Variants in FRMD6 observed in about 807,000 individuals in gnomAD.
FRMD6 encodes FERM domain containing 6.
FRMD6 carries 37 observed loss-of-function variants against 73.2 expected under a neutral mutation model. The observed-to-expected ratio is 0.51, with a 90% CI of 0.39 to 0.66. The LOEUF (loss-of-function observed/expected upper bound fraction) is 0.66. Among genes scored for constraint, FRMD6 ranks in the 30% least tolerant of loss-of-function variants. The pLI, the probability that FRMD6 is intolerant of heterozygous loss-of-function variation, is 0.00. For synonymous variants in FRMD6, 273 were observed against 282.2 expected (o/e 0.97, Z 0.33); for missense variants, 714 against 780.5 (o/e 0.91, Z 1.02).
intron 2 of FRMD6, chr14:51,575,950 AG>A: frequency 6.6e-6 from 1 of 152,440 alleles, no homozygotes; most frequent in Non-Finnish European, 1.5e-5. Flanking sequence ...CATCAGCACC[AG>A]GCCACTGGCA....
chr14:51,721,016 C>T (rs571098947), intron 11 of FRMD6, among the ~76,000 whole-genome samples: 3 of 152,270 alleles, frequency 2.0e-5, no homozygotes, highest in South Asian at 2.1e-4. Flanking sequence ...TCAGGCTTGA[C>T]GGAAAAGATA....
chr14:51,529,879 A>C (rs1885484688), intron 1 of FRMD6, among the ~76,000 whole-genome samples: 1 of 152,222 alleles, frequency 6.6e-6, no homozygotes, highest in African/African-American at 2.4e-5. Context: ...TCTGAGTATC[A>C]GTTAGTTTGT....
At chr14:51,491,266 T>C (rs1205207900) in intron 1 of FRMD6, 1 of 152,220 alleles carries the variant, frequency 6.6e-6, no homozygotes, top group African/African-American at 2.4e-5. Context: ...ACAGGCAAGG[T>C]TGATAGATGT....
intron 2 of FRMD6, among the ~76,000 whole-genome samples, chr14:51,612,864 GAT>G (rs1282506759): frequency 6.6e-6 from 1 of 152,186 alleles, no homozygotes; most frequent in Non-Finnish European, 1.5e-5. Context: ...AATATAACAT[GAT>G]AGATATGTGC....
At chr14:51,562,999 G>A (rs1305310230) in intron 1 of FRMD6, among the ~76,000 whole-genome samples, 1 of 152,230 alleles carries the variant, frequency 6.6e-6, no homozygotes, top group Admixed American at 6.5e-5. Flanking sequence ...GGGCTGAAGT[G>A]ATTTTGAGGT....
the FRMD6 span, among the ~76,000 whole-genome samples, chr14:51,450,667 T>G: frequency 6.6e-6 from 1 of 152,186 alleles, no homozygotes; most frequent in Non-Finnish European, 1.5e-5. Flanking sequence ...TTGGGATTTT[T>G]GTATGAGATC....
chr14:51,656,247 C>T (rs1046404542), intron 1 of FRMD6, among the ~76,000 whole-genome samples: 5 of 152,076 alleles, frequency 3.3e-5, no homozygotes, highest in African/African-American at 9.7e-5. Flanking sequence ...TTACAGAACA[C>T]TGAGAAGGGG....
At chr14:51,522,926 G>A (rs1281529756) in intron 1 of FRMD6, 2 of 152,184 alleles carry the variant, frequency 1.3e-5, no homozygotes, top group South Asian at 2.1e-4. Flanking sequence ...CATGGCACCT[G>A]TGTAAAGATG....
In FRMD6 at chr14:51,689,996, A is replaced by G. The variant is rs190716104; in HGVS notation, c.99+61A>G. 3 of 1,045,080 alleles carry G rather than the reference A, an allele frequency of 2.9e-6. No homozygotes were observed. The Admixed American group carries it at 5.3e-5, about 19-fold the overall frequency. The allele number at this position is 1,045,080 out of a possible 1,614,324, so 64.7% of individuals were successfully genotyped here. A position where few individuals can be genotyped will look rare whatever the true frequency, so the allele number is the denominator to read the frequency against. On this transcript the variant is annotated intron_variant, in intron 2 of 13. Coordinates refer to ENST00000344768, the MANE Select transcript of FRMD6 (RefSeq NM_001267046.2). ...GTGTTTTCACCAGTGGCCACATTCA[A>G]CTTATGACTTGATTAAGGGTGAAAT...
chr14:51,659,961 A>C (rs910232716), intron 1 of FRMD6, among the ~76,000 whole-genome samples: 3 of 152,168 alleles, frequency 2.0e-5, no homozygotes, highest in Non-Finnish European at 2.9e-5. Context: ...AGAAAGATAC[A>C]TTTTCATCTA....
the FRMD6 span, among the ~76,000 whole-genome samples, chr14:51,439,495 T>C: frequency 2.5e-3 from 381 of 152,346 alleles, 1 homozygote; most frequent in African/African-American, 8.4e-3. Context: ...TCTTTCTTAA[T>C]TCATGTAAAA....
intron 1 of FRMD6, among the ~76,000 whole-genome samples, chr14:51,521,506 AT>A (rs1884952665): frequency 6.6e-6 from 1 of 152,010 alleles, no homozygotes; most frequent in Non-Finnish European, 1.5e-5. Context: ...TCTAGAAAAC[AT>A]TTACACATTT....
At chr14:51,601,577 T>C (rs1890039878) in intron 2 of FRMD6, among the ~76,000 whole-genome samples, 1 of 152,180 alleles carries the variant, frequency 6.6e-6, no homozygotes, top group Non-Finnish European at 1.5e-5. Context: ...CTCTAGAAAT[T>C]TAGTAAATGG....
At chr14:51,576,802 C>T (rs780348968) in intron 2 of FRMD6, among the ~76,000 whole-genome samples, 45 of 152,290 alleles carry the variant, frequency 3.0e-4, no homozygotes, top group Admixed American at 5.9e-4. Flanking sequence ...TTGTCTGGCA[C>T]GTTGCATAAA....
chr14:51,558,223 C>T (rs1051779597), intron 1 of FRMD6, among the ~76,000 whole-genome samples: 4 of 152,044 alleles, frequency 2.6e-5, no homozygotes, highest in African/African-American at 9.7e-5. Flanking sequence ...AATCCTAGCA[C>T]TTTGGAAGGC....
chr14:51,703,799 T>C (rs756362619), intron 5 of FRMD6, among the ~76,000 whole-genome samples: 3 of 152,064 alleles, frequency 2.0e-5, no homozygotes, highest in Non-Finnish European at 2.9e-5. Context: ...AATAAACCCA[T>C]ATGTGTTTAT....
intron 1 of FRMD6, among the ~76,000 whole-genome samples, chr14:51,568,705 A>C (rs1179543113): frequency 1.3e-5 from 2 of 152,152 alleles, no homozygotes; most frequent in Non-Finnish European, 2.9e-5. Flanking sequence ...CACTAAATCC[A>C]ATGGGCTTGA....
chr14:51,461,921 T>C, the FRMD6 span, among the ~76,000 whole-genome samples: 5 of 152,282 alleles, frequency 3.3e-5, no homozygotes, highest in South Asian at 1.0e-3. Flanking sequence ...AAAGAGAAAA[T>C]GCATGCAAGG....
At chr14:51,648,170 T>C (rs1050322595), upstream of FRMD6, among the ~76,000 whole-genome samples, 1 of 152,214 alleles carries the variant, frequency 6.6e-6, no homozygotes, top group Non-Finnish European at 1.5e-5. Context: ...TTTTTTCTTC[T>C]AATATGCTAA....
Sources: allele counts gnomAD v4.1 joint callset (sites outside exome capture counted in the v4.1 genomes callset), GRCh38; gene constraint gnomAD v4.1.1; transcripts MANE v1.5; gene names NCBI Gene and HGNC (gene_info 2026-07-23, HGNC 2026-07-21).